The following VPS26A variants were observed in gnomAD, a reference collection of about 807,000 sequenced individuals.
The protein encoded by VPS26A is VPS26 retromer complex component A.
In VPS26A, 22 loss-of-function variants were observed where a neutral mutation model predicts 42.4. The ratio of observed to expected loss-of-function variants is 0.52; its 90% CI spans 0.37 to 0.74. The LOEUF is 0.74. Among genes scored for constraint, VPS26A ranks in the 30% least tolerant of loss-of-function variants. VPS26A has a pLI of 0.00. For synonymous variants in VPS26A, 110 were observed against 123.5 expected (o/e 0.89, Z 0.73); for missense variants, 276 against 379.2 (o/e 0.73, Z 2.26).
intron 2 of VPS26A, among the ~76,000 whole-genome samples, chr10:69,152,041 A>G (rs950195222): frequency 6.6e-6 from 1 of 152,000 alleles, no homozygotes; most frequent in African/African-American, 2.4e-5. Flanking sequence ...CAACATAGTA[A>G]GACCCTGTAT....
chr10:69,124,627 TCTC>T (rs1423912961), intron 1 of VPS26A, among the ~76,000 whole-genome samples: 1 of 152,054 alleles, frequency 6.6e-6, no homozygotes, highest in Non-Finnish European at 1.5e-5. Flanking sequence ...CAGTCCCTGT[TCTC>T]CTCCCGGGCA....
At chr10:69,154,083 C>T (rs1841377657) in intron 2 of VPS26A, among the ~76,000 whole-genome samples, 1 of 152,174 alleles carries the variant, frequency 6.6e-6, no homozygotes, top group Non-Finnish European at 1.5e-5. Flanking sequence ...TTGAACGGAG[C>T]CCTGACTCCC....
intron 5 of VPS26A, among the ~76,000 whole-genome samples, chr10:69,159,651 C>T (rs897951369): frequency 6.6e-6 from 1 of 152,038 alleles, no homozygotes; most frequent in East Asian, 1.9e-4. Flanking sequence ...TTTTCTGTGT[C>T]TATTCAGAAA....
intron 6 of VPS26A, among the ~76,000 whole-genome samples, chr10:69,164,791 G>A (rs1170870879): frequency 2.0e-5 from 3 of 152,204 alleles, no homozygotes; most frequent in Admixed American, 6.5e-5. Context: ...GTGTTGTGAT[G>A]TAAGAGGTGA....
At chr10:69,126,705 A>G (rs917987533) in intron 1 of VPS26A, among the ~76,000 whole-genome samples, 11 of 152,156 alleles carry the variant, frequency 7.2e-5, no homozygotes, top group African/African-American at 2.2e-4. Flanking sequence ...TTAACATATC[A>G]GAAGTATTAG....
At chr10:69,148,338 GATC>G (rs1841210575) in intron 2 of VPS26A, among the ~76,000 whole-genome samples, 1 of 152,118 alleles carries the variant, frequency 6.6e-6, no homozygotes, top group Admixed American at 6.6e-5. Context: ...GTGAACTCTG[GATC>G]TATTCCCTGT....
chr10:69,124,238 A>AGAGGAGTGGAGTAGGGGG lies in VPS26A; in HGVS notation c.-37_-20dup. On this transcript the variant is annotated 5_prime_UTR_variant, in exon 1 of 9. Coordinates refer to ENST00000263559, the MANE Select transcript of VPS26A (RefSeq NM_004896.5). The stretch of plus-strand genomic sequence containing the variant: ...CGGGGCTGGGAGTTCTCCTGAGGGA[A>AGAGGAGTGGAGTAGGGGG]GAGGAGTGGAGTAGGGGGGACGCGG... 1 of 1,283,140 alleles carries AGAGGAGTGGAGTAGGGGG rather than the reference A, an allele frequency of 7.8e-7. No individual in the cohort carries two copies. The highest frequency in any genetic ancestry group is 9.9e-7 in the Non-Finnish European group (1 of 1,009,922). The allele number at this position is 1,283,140 out of a possible 1,614,324, so 79.5% of individuals were successfully genotyped here. A position where few individuals can be genotyped will look rare whatever the true frequency, so the allele number is the denominator to read the frequency against.
At position 69,153,785 on chromosome 10, in the gene VPS26A, A is replaced by G. The variant is rs137894307; in HGVS notation, c.154-2027A>G. On this transcript the variant is annotated intron_variant, in intron 2 of 8. Transcript: ENST00000263559. ...CAGGTGTTCGAGACCAGCCTGGGCA[A>G]TATATTGAGACTCCACCTGATTCTC... 7.2e-5 allele frequency among the ~76,000 whole-genome samples: 11 copies of G among 152,226 alleles called. No individual in the cohort carries two copies. The East Asian group carries it at 1.7e-3, about 24-fold the overall frequency.
rs1461087625 is a variant in VPS26A, at chr10:69,149,742, T to G, written c.154-6070T>G. Among the ~76,000 whole-genome samples the G allele has an allele frequency of 7.5e-3, 279 of 37,272 alleles. 5 individuals carry two copies. Among genetic ancestry groups the G allele is most frequent in the African/African-American group, 0.012 (229 of 18,786 alleles). The allele number at this position is 37,272 out of a possible 152,430, so 24.5% of individuals were successfully genotyped here. ...CTTTCTTGGTGTTTTTTGTTTTTTT[T>G]TTTTTTTTTTTTTTTTTTTTTTGAG... On this transcript the variant is annotated intron_variant, in intron 2 of 8. Coordinates refer to ENST00000263559, the MANE Select transcript of VPS26A (RefSeq NM_004896.5).
chr10:69,168,666 G>A lies in VPS26A; in HGVS notation c.870+35G>A, dbSNP rs374070286. 8.8e-6 allele frequency: 14 copies of A among 1,599,696 alleles called. No homozygotes were observed. The Middle Eastern group carries it at 5.0e-4, about 57-fold the overall frequency. Reference sequence around the variant, plus strand: ...CACTTGGGCTGGTATTATGTTCTGCGGCAGATCTAAAAATACCTCGAAAGC... The same window carrying A: ...CACTTGGGCTGGTATTATGTTCTGCAGCAGATCTAAAAATACCTCGAAAGC... On this transcript the variant is annotated intron_variant, in intron 8 of 8. Transcript: ENST00000263559.
Position 69,172,817 on chromosome 10 carries a change from C to T in VPS26A, c.*1548C>T, listed in dbSNP as rs886073291. 16 of 152,576 alleles carry T rather than the reference C, an allele frequency of 1.0e-4. No homozygotes were observed. Among genetic ancestry groups the T allele is most frequent in the African/African-American group, 3.6e-4 (15 of 41,460 alleles). The allele number at this position is 152,576 out of a possible 1,614,324, so 9.5% of individuals were successfully genotyped here. On this transcript the variant is annotated 3_prime_UTR_variant, in exon 9 of 9. Coordinates refer to ENST00000263559, the MANE Select transcript of VPS26A (RefSeq NM_004896.5). Reference sequence around the variant, plus strand: ...AAAACCAATTGTATTTAACCAGCCTCAAATTGTGCAACCATGATGTATAAT... The same window carrying T: ...AAAACCAATTGTATTTAACCAGCCTTAAATTGTGCAACCATGATGTATAAT...
intron 1 of VPS26A, among the ~76,000 whole-genome samples, chr10:69,127,892 C>A (rs1408510009): frequency 6.6e-6 from 1 of 151,800 alleles, no homozygotes; most frequent in Non-Finnish European, 1.5e-5. Context: ...ATATGGGGGT[C>A]TAGCTGTATT....
At chr10:69,149,748 T>TGAGATG (rs1841254427) in intron 2 of VPS26A, among the ~76,000 whole-genome samples, 2 of 84,724 alleles carry the variant, frequency 2.4e-5, no homozygotes, top group African/African-American at 3.4e-5. Context: ...TTTTTTTTTT[T>TGAGATG]TTTTTTTTTT....
chr10:69,132,581 C>A (rs1840808410), intron 1 of VPS26A, among the ~76,000 whole-genome samples: 1 of 151,850 alleles, frequency 6.6e-6, no homozygotes, highest in Non-Finnish European at 1.5e-5. Flanking sequence ...TAGCTGGTAT[C>A]ACAGGCGCAT....
At chr10:69,129,251 A>AT (rs1471626060) in intron 1 of VPS26A, among the ~76,000 whole-genome samples, 1 of 152,136 alleles carries the variant, frequency 6.6e-6, no homozygotes, top group African/African-American at 2.4e-5. Context: ...AGCTCAGCAC[A>AT]TATTCGATTA....
At chr10:69,166,169 T>C in intron 7 of VPS26A, 59 bp downstream of exon 7, 1 of 1,471,300 alleles carries the variant, frequency 6.8e-7, no homozygotes, top group Non-Finnish European at 9.4e-7. Flanking sequence ...TCATGGCAGT[T>C]TTGTTTGTAT....
In VPS26A at chr10:69,174,021, A is replaced by G. The variant is rs150634453; in HGVS notation, c.*2752A>G. Among the ~76,000 whole-genome samples the G allele has an allele frequency of 0.013, 1,957 of 152,324 alleles. 46 individuals are homozygous for G. Among genetic ancestry groups the G allele is most frequent in the African/African-American group, 0.044 (1,846 of 41,572 alleles). ...CAGTGTTCTGTAGAATGGACCAATC[A>G]GCAGGACGTGGGCGGGGACAAATAA... is the stretch of plus-strand genomic sequence containing the variant. On this transcript the variant is annotated 3_prime_UTR_variant, in exon 9 of 9. Coordinates refer to ENST00000263559, the MANE Select transcript of VPS26A (RefSeq NM_004896.5).
At chr10:69,157,366 C>A (rs983166536) in intron 4 of VPS26A, among the ~76,000 whole-genome samples, 23 of 152,186 alleles carry the variant, frequency 1.5e-4, no homozygotes, top group African/African-American at 5.1e-4. Context: ...TGTTATGAGA[C>A]ATTTCAGTTA....
chr10:69,134,611 G>T (rs1840862808), intron 2 of VPS26A, among the ~76,000 whole-genome samples: 1 of 151,200 alleles, frequency 6.6e-6, no homozygotes, highest in Admixed American at 6.6e-5. Context: ...ATTTTAATTT[G>T]CATTTCTTTG....
Sources: allele counts gnomAD v4.1 joint callset (sites outside exome capture counted in the v4.1 genomes callset), GRCh38; gene constraint gnomAD v4.1.1; transcripts MANE v1.5; gene names NCBI Gene and HGNC (gene_info 2026-07-23, HGNC 2026-07-21).